Variants in RLN3 observed in about 807,000 individuals in gnomAD.
RLN3 encodes relaxin 3.
In RLN3, 13 loss-of-function variants were observed where a neutral mutation model predicts 10.2. That is an observed-to-expected ratio of 1.28 (90% CI 0.83 to 2.03). The LOEUF (loss-of-function observed/expected upper bound fraction) is 2.03. Ranked by LOEUF, RLN3 falls within the 30% of genes most tolerant of loss-of-function variation. RLN3 has a pLI of 0.00. For synonymous variants in RLN3, 56 were observed against 79.2 expected (o/e 0.71, Z 1.56); for missense variants, 191 against 187.2 (o/e 1.02, Z -0.12).
rs1975792523 is a variant in RLN3 at position 14,030,804 on chromosome 19, G to A, written c.285G>A (p.Lys95=). Residue 95 remains lysine, a synonymous_variant, in exon 2 of 2, where the codon AAG becomes AAA. Transcript: ENST00000431365. ...MGSSEWLALT[K]SPQAFYRGRP... ...CCAGCGAGTGGCTGGCCCTGACCAAGTCACCCCAGGCCTTTTACAGGGGGC... is the reference window on the plus strand; with the variant it reads ...CCAGCGAGTGGCTGGCCCTGACCAAATCACCCCAGGCCTTTTACAGGGGGC... 2.5e-6 allele frequency: 4 copies of A among 1,614,080 alleles called. No homozygotes were observed. The highest frequency in any genetic ancestry group is 3.4e-6 in the Non-Finnish European group (4 of 1,180,034).
Position 14,031,147 on chromosome 19 carries a change from C to T in RLN3, c.*199C>T, listed in dbSNP as rs556234747. 1.8e-6 allele frequency: 1 copy of T among 565,296 alleles called. No individual in the cohort carries two copies. The highest frequency in any genetic ancestry group is 2.2e-5 in the South Asian group (1 of 44,646). The allele number at this position is 565,296 out of a possible 1,614,324, so 35.0% of individuals were successfully genotyped here. On this transcript the variant is annotated 3_prime_UTR_variant, in exon 2 of 2. Coordinates refer to ENST00000431365, the MANE Select transcript of RLN3 (RefSeq NM_080864.4). ...CTGCCCTTTGACCAGCCTATCATGA[C>T]CCTGGCCCCTAAGGAAGCTGTGCCC...
Position 14,028,390 on chromosome 19 carries a change from T to C in RLN3, c.186T>C (p.Ala62=), listed in dbSNP as rs2145680096. Residue 62 remains alanine, a synonymous_variant, in exon 1 of 2, where the codon GCT becomes GCC. Coordinates refer to ENST00000431365, the MANE Select transcript of RLN3 (RefSeq NM_080864.4). ...WRRSDILAHE[A]MGDTFPDADA... ...GATCAGACATCCTGGCCCACGAGGC[T>C]ATGGGTGAGGCTGGGGAGAGAGTGG... The C allele has an allele frequency of 6.2e-7, 1 of 1,609,186 alleles. No homozygotes were observed.
In RLN3 at chr19:14,030,716, C is replaced by T. The variant is rs146360086; in HGVS notation, c.197C>T (p.Thr66Ile). The change falls in exon 2 of 2, where the codon ACC becomes ATC. Residue 66 changes from threonine (T) to isoleucine (I), a missense_variant. By Grantham distance (89) the Thr-to-Ile change is moderately conservative (BLOSUM62 -1). Coordinates refer to ENST00000431365, the MANE Select transcript of RLN3 (RefSeq NM_080864.4). ...CTCTGTTCATCTTTTGCAGGAGATACCTTCCCGGATGCAGATGCTGATGAA... is the reference window on the plus strand; with the variant it reads ...CTCTGTTCATCTTTTGCAGGAGATATCTTCCCGGATGCAGATGCTGATGAA... ...DILAHEAMGD[T>I]FPDADADEDS... 180 of 1,614,034 alleles carry T rather than the reference C, an allele frequency of 1.1e-4. 3 individuals carry two copies. The African/African-American group carries it at 2.1e-3, about 19-fold the overall frequency.
intron 1 of RLN3, among the ~76,000 whole-genome samples, 173 bp from the exon 2 acceptor site, chr19:14,030,537 A>T (rs1975784381): frequency 1.3e-5 from 2 of 152,230 alleles, no homozygotes. Context: ...AGACACCTGT[A>T]ATCCCACCTA....
intron 1 of RLN3, among the ~76,000 whole-genome samples, chr19:14,029,853 G>A (rs922969659): frequency 3.3e-5 from 4 of 119,920 alleles, no homozygotes; most frequent in Admixed American, 3.1e-4. Context: ...TTTGAGACAG[G>A]GTCTTGCTCT....
chr19:14,030,159 A>G, intron 1 of RLN3: 1 of 639,760 alleles, frequency 1.6e-6, no homozygotes, highest in Non-Finnish European at 2.8e-6. Context: ...TGTTCCAGAC[A>G]TTGTTCTAAG....
chr19:14,031,218 C>T lies in RLN3; in HGVS notation c.*270C>T, dbSNP rs1975802252. On this transcript the variant is annotated 3_prime_UTR_variant, in exon 2 of 2. Coordinates refer to ENST00000431365, the MANE Select transcript of RLN3 (RefSeq NM_080864.4). Reference sequence around the variant, plus strand: ...CCCCCCATCCTGACCCCTGACCTCTCCCCAGCCCTAACCATGCGTTTGCCT... The same window carrying T: ...CCCCCCATCCTGACCCCTGACCTCTTCCCAGCCCTAACCATGCGTTTGCCT... The T allele has an allele frequency of 4.5e-6, 2 of 448,200 alleles. No individual in the cohort carries two copies. Among genetic ancestry groups the T allele is most frequent in the Non-Finnish European group, 8.0e-6 (2 of 250,040 alleles). The allele number at this position is 448,200 out of a possible 1,614,324, so 27.8% of individuals were successfully genotyped here. A position where few individuals can be genotyped will look rare whatever the true frequency, so the allele number is the denominator to read the frequency against.
intron 1 of RLN3, chr19:14,030,414 C>T (rs1325054145): frequency 1.7e-5 from 12 of 698,026 alleles, no homozygotes; most frequent in South Asian, 3.0e-5. Flanking sequence ...AATCCCAGCA[C>T]TTTGGGTGGC....
chr19:14,029,279 C>T (rs1243862471), intron 1 of RLN3, among the ~76,000 whole-genome samples: 1 of 151,632 alleles, frequency 6.6e-6, no homozygotes, highest in Non-Finnish European at 1.5e-5. Context: ...TAGGTATGAG[C>T]GTGGACATAG....
chr19:14,029,837 A>ATTTTTTTTT (rs1257841364), intron 1 of RLN3, among the ~76,000 whole-genome samples: 4 of 149,188 alleles, frequency 2.7e-5, no homozygotes, highest in African/African-American at 9.9e-5. Flanking sequence ...TATTATTATT[A>ATTTTTTTTT]TTATTTTTGA....
In RLN3 at chr19:14,031,319, C is replaced by G; in HGVS notation, c.*371C>G. On this transcript the variant is annotated 3_prime_UTR_variant, in exon 2 of 2. Coordinates refer to ENST00000431365, the MANE Select transcript of RLN3 (RefSeq NM_080864.4). ...CCACACAGAGACCCCTGCCCCCTTC[C>G]CAGTCCAAACTGTGGCCATTGTCCC... 4.2e-6 allele frequency: 1 copy of G among 240,792 alleles called. No individual in the cohort carries two copies. Among genetic ancestry groups the G allele is most frequent in the Non-Finnish European group, 8.1e-6 (1 of 124,072 alleles). 14.9% of individuals were successfully genotyped at this position (240,792 alleles called of 1,614,324 possible).
Position 14,030,994 on chromosome 19 carries a change from C to T in RLN3, c.*46C>T, listed in dbSNP as rs774100777. 3.9e-6 allele frequency: 5 copies of T among 1,279,410 alleles called. No homozygotes were observed. The South Asian group carries it at 5.7e-5, about 15-fold the overall frequency. 79.3% of individuals were successfully genotyped at this position (1,279,410 alleles called of 1,614,324 possible). On this transcript the variant is annotated 3_prime_UTR_variant, in exon 2 of 2. Coordinates refer to ENST00000431365, the MANE Select transcript of RLN3 (RefSeq NM_080864.4). Reference sequence around the variant, plus strand: ...GGGCACCAGGACCAATGCCCCAGTCCTGCCATCCACTCAACTAGTGTCTGG... The same window carrying T: ...GGGCACCAGGACCAATGCCCCAGTCTTGCCATCCACTCAACTAGTGTCTGG...
At chr19:14,030,489 T>TGTTCA (rs1177110225) in intron 1 of RLN3, 45 of 646,408 alleles carry the variant, frequency 7.0e-5, no homozygotes, top group Non-Finnish European at 1.1e-4. Context: ...GTGAACCCCA[T>TGTTCA]CTCTATAACA....
At chr19:14,030,484 C>A in intron 1 of RLN3, 2 of 653,520 alleles carry the variant, frequency 3.1e-6, no homozygotes, top group Non-Finnish European at 2.8e-6. Flanking sequence ...ACATGGTGAA[C>A]CCCATCTCTA....
chr19:14,031,209 CT>C lies in RLN3; in HGVS notation c.*262del. On this transcript the variant is annotated 3_prime_UTR_variant, in exon 2 of 2. Transcript: ENST00000431365. Reference sequence around the variant, plus strand: ...AGTGGGGACCCCCCCATCCTGACCCCTGACCTCTCCCCAGCCCTAACCATGC... The same window carrying C: ...AGTGGGGACCCCCCCATCCTGACCCCGACCTCTCCCCAGCCCTAACCATGC... The C allele has an allele frequency of 6.3e-6, 3 of 476,538 alleles. No individual in the cohort carries two copies. The highest frequency in any genetic ancestry group is 5.5e-5 in the South Asian group (2 of 36,460). 29.5% of individuals were successfully genotyped at this position (476,538 alleles called of 1,614,324 possible).
At chr19:14,029,806 A>AATTATTATTATTATT (rs58482695) in intron 1 of RLN3, among the ~76,000 whole-genome samples, 3,715 of 142,262 alleles carry the variant, frequency 0.026, 134 homozygotes, top group African/African-American at 0.077. Context: ...GTGATCAATA[A>AATTATTATTATTATT]ATTATTATTA....
intron 1 of RLN3, among the ~76,000 whole-genome samples, chr19:14,028,742 C>T (rs950608529): frequency 2.0e-5 from 3 of 152,118 alleles, no homozygotes; most frequent in Admixed American, 6.6e-5. Context: ...TAATGCATGA[C>T]CTCTCCCCAG....
At chr19:14,029,541 C>G (rs1026776589) in intron 1 of RLN3, among the ~76,000 whole-genome samples, 1 of 151,500 alleles carries the variant, frequency 6.6e-6, no homozygotes, top group Middle Eastern at 3.4e-3. Flanking sequence ...TTAGTAGAGA[C>G]AGTTTCACCA....
chr19:14,029,806 AATTATTATTATT>A (rs58482695), intron 1 of RLN3, among the ~76,000 whole-genome samples: 13 of 142,310 alleles, frequency 9.1e-5, no homozygotes, highest in East Asian at 2.0e-4. Flanking sequence ...GTGATCAATA[AATTATTATTATT>A]ATTATTATTA....
Sources: gnomAD v4.1 joint callset for allele counts (sites outside exome capture counted in the v4.1 genomes callset) on GRCh38, gnomAD v4.1.1 for gene constraint, MANE v1.5 for transcripts, NCBI Gene and HGNC (gene_info 2026-07-23, HGNC 2026-07-21) for gene names.